SPNS3: variants seen among roughly 807,000 people sequenced by gnomAD.
SPNS3 encodes the protein protein spinster homolog 3.
Under a neutral mutation model 54.4 loss-of-function variants are expected in SPNS3, and 51 were observed. The ratio of observed to expected loss-of-function variants is 0.94; its 90% confidence interval spans 0.75 to 1.18. SPNS3 has a LOEUF of 1.18. Ranked by LOEUF, SPNS3 falls within the 50% of genes most tolerant of loss-of-function variation. The probability of loss-of-function intolerance (pLI) is 0.00; values close to 1 mark genes in which losing one functional copy is unlikely to be tolerated. For missense variants in SPNS3, 669 were observed against 677.4 expected (o/e 0.99, Z 0.14); for synonymous variants, 309 against 294.7 (o/e 1.05, Z -0.50).
intron 8 of SPNS3, among the ~76,000 whole-genome samples, chr17:4,460,418 T>A (rs2144109033): frequency 6.7e-6 from 1 of 148,870 alleles, no homozygotes; most frequent in African/African-American, 2.5e-5. Context: ...ATCATTTTTA[T>A]GTATTGCTGG....
At chr17:4,447,030 T>C in intron 5 of SPNS3, 68 bp downstream of exon 5, 1 of 1,580,076 alleles carries the variant, frequency 6.3e-7, no homozygotes, top group Non-Finnish European at 8.7e-7. Flanking sequence ...CAGCCTTGGG[T>C]GACCTTAGCC....
chr17:4,442,487 C>T (rs553449220), intron 2 of SPNS3, among the ~76,000 whole-genome samples: 5 of 151,604 alleles, frequency 3.3e-5, no homozygotes, highest in South Asian at 4.2e-4. Flanking sequence ...GAGCTGAGAT[C>T]GTGCCACTGC....
chr17:4,475,931 T>G (rs333135), intron 8 of SPNS3, among the ~76,000 whole-genome samples: 43,275 of 152,140 alleles, frequency 0.28, 6,194 homozygotes, highest in Middle Eastern at 0.45. Flanking sequence ...GGGGTTACCA[T>G]CTTAACAAGC....
chr17:4,474,472 C>T (rs59565187), intron 8 of SPNS3, among the ~76,000 whole-genome samples: 9,796 of 152,164 alleles, frequency 0.064, 331 homozygotes, highest in Middle Eastern at 0.14. Flanking sequence ...TCTCCCTTCT[C>T]GGTGGGCCCA....
chr17:4,449,400 G>T lies in SPNS3; in HGVS notation c.923+13G>T. ...GCAACCCCGACAGGTGAGGGCATCCGGGGGCCCTGGGCACCTGGCCCGGCT... is the reference window on the plus strand; with the variant it reads ...GCAACCCCGACAGGTGAGGGCATCCTGGGGCCCTGGGCACCTGGCCCGGCT... On this transcript the variant is annotated intron_variant, in intron 7 of 11. Coordinates refer to ENST00000355530, the MANE Select transcript of SPNS3 (RefSeq NM_182538.5). The T allele has an allele frequency of 6.4e-7, 1 of 1,567,158 alleles. No homozygotes were observed. The highest frequency in any genetic ancestry group is 8.6e-7 in the Non-Finnish European group (1 of 1,165,348).
chr17:4,481,250 A>G (rs1972142753), intron 9 of SPNS3, among the ~76,000 whole-genome samples: 1 of 150,558 alleles, frequency 6.6e-6, no homozygotes. Context: ...TTTGAGGGTG[A>G]GCTGGGGGTG....
intron 8 of SPNS3, 35 bp downstream of exon 8, chr17:4,453,240 T>A: frequency 1.9e-6 from 3 of 1,577,866 alleles, no homozygotes; most frequent in Non-Finnish European, 2.6e-6. Context: ...GGGGACAGGG[T>A]TGGGGGGCGA....
At chr17:4,464,718 T>C (rs1971631082) in intron 8 of SPNS3, among the ~76,000 whole-genome samples, 1 of 152,196 alleles carries the variant, frequency 6.6e-6, no homozygotes, top group East Asian at 1.9e-4. Context: ...TTTGCTCTTG[T>C]TGAGCAGGCT....
At chr17:4,450,501 C>T (rs967836961) in intron 7 of SPNS3, among the ~76,000 whole-genome samples, 1 of 152,002 alleles carries the variant, frequency 6.6e-6, no homozygotes, top group African/African-American at 2.4e-5. Context: ...GCAGCCTCGA[C>T]CTCCCAGGCT....
intron 8 of SPNS3, among the ~76,000 whole-genome samples, chr17:4,459,965 G>A (rs1265084503): frequency 6.6e-6 from 1 of 152,102 alleles, no homozygotes; most frequent in Non-Finnish European, 1.5e-5. Context: ...TTTTTTGTAG[G>A]GTGGCCAGAG....
At position 4,435,952 on chromosome 17, in the gene SPNS3, A is replaced by G. The variant is rs139581689; in HGVS notation, c.199+1786A>G. 1.6e-3 allele frequency among the ~76,000 whole-genome samples: 242 copies of G among 152,222 alleles called. 3 individuals are homozygous for G. Among genetic ancestry groups the G allele is most frequent in the African/African-American group, 5.3e-3 (221 of 41,530 alleles). On this transcript the variant is annotated intron_variant, in intron 1 of 11. Transcript: ENST00000355530. ...GTCTCAAACAAAGACAACAACAATAACAACAGCTGATTGAGGCTCCACTTG... is the reference window on the plus strand; with the variant it reads ...GTCTCAAACAAAGACAACAACAATAGCAACAGCTGATTGAGGCTCCACTTG...
At chr17:4,476,051 A>T (rs1346538866) in intron 8 of SPNS3, among the ~76,000 whole-genome samples, 1 of 152,168 alleles carries the variant, frequency 6.6e-6, no homozygotes, top group African/African-American at 2.4e-5. Context: ...CCCGCTCAGC[A>T]AGGCAGGGTG....
At chr17:4,445,721 C>T (rs1392647978) in intron 3 of SPNS3, among the ~76,000 whole-genome samples, 2 of 152,092 alleles carry the variant, frequency 1.3e-5, no homozygotes, top group African/African-American at 4.8e-5. Context: ...TCTCCTACCT[C>T]TCACTGCCGC....
At chr17:4,447,522 A>G (rs1487294145) in intron 5 of SPNS3, among the ~76,000 whole-genome samples, 1 of 152,156 alleles carries the variant, frequency 6.6e-6, no homozygotes, top group Non-Finnish European at 1.5e-5. Flanking sequence ...CTTGGTGGGA[A>G]TGCAGGCTGC....
intron 4 of SPNS3, 34 bp from the exon 5 acceptor site, chr17:4,446,862 C>T (rs1294514817): frequency 3.1e-6 from 5 of 1,608,802 alleles, no homozygotes; most frequent in Non-Finnish European, 3.4e-6. Context: ...CCTCCCTCCC[C>T]TCACAGCCCA....
chr17:4,486,234 G>A lies in SPNS3; in HGVS notation c.1186G>A (p.Val396Met). 1 of 1,559,720 alleles carries A rather than the reference G, an allele frequency of 6.4e-7. No individual in the cohort carries two copies. Among genetic ancestry groups the A allele is most frequent in the Non-Finnish European group, 8.6e-7 (1 of 1,157,114 alleles). The change falls in exon 10 of 12, where the codon GTG becomes ATG. Residue 396 changes from valine (V) to methionine (M), a missense_variant. Physicochemically the swap from Val to Met is conservative, Grantham distance 21. Coordinates refer to ENST00000355530, the MANE Select transcript of SPNS3 (RefSeq NM_182538.5). This position sits in a 1 kb window ranked among gnomAD's most constrained non-coding sequence, Gnocchi z 5.5. The stretch of plus-strand genomic sequence containing the variant: ...CTGTGCCTATGTTTTGCAGTCTGTG[G>A]TGGTGCCCAGATGCCGGGGGACGGC... ...AVVADILLSV[V>M]VPRCRGTAEA...
At chr17:4,467,975 C>T (rs1345657406) in intron 8 of SPNS3, among the ~76,000 whole-genome samples, 1 of 152,166 alleles carries the variant, frequency 6.6e-6, no homozygotes, top group South Asian at 2.1e-4. Context: ...CTGGCTACTT[C>T]CACCTGATTT....
intron 8 of SPNS3, among the ~76,000 whole-genome samples, chr17:4,472,763 T>G (rs1971888613): frequency 6.7e-6 from 1 of 150,312 alleles, no homozygotes; most frequent in Non-Finnish European, 1.5e-5. Flanking sequence ...TCTGCTCTTT[T>G]GCTTGGCAGC....
chr17:4,457,816 G>A (rs977439830), intron 8 of SPNS3, among the ~76,000 whole-genome samples: 1 of 152,148 alleles, frequency 6.6e-6, no homozygotes, highest in Non-Finnish European at 1.5e-5. Flanking sequence ...ATGACATTGC[G>A]TCTTGGCCGC....
Sources: gnomAD v4.1 joint callset for allele counts (sites outside exome capture counted in the v4.1 genomes callset) on GRCh38, gnomAD v4.1.1 for gene constraint, Gnocchi (gnomAD v3.1) non-coding constraint, MANE v1.5 for transcripts, NCBI Gene and HGNC (gene_info 2026-07-23, HGNC 2026-07-21) for gene names.